The following GNG7 variants were observed in gnomAD, a reference collection of about 807,000 sequenced individuals.
GNG7 encodes the protein guanine nucleotide-binding protein G(I)/G(S)/G(O) subunit gamma-7.
Under a neutral mutation model 4.0 loss-of-function variants are expected in GNG7, and 1 was observed. That is an observed-to-expected ratio of 0.25 (90% CI 0.09 to 1.18). The LOEUF (loss-of-function observed/expected upper bound fraction) is 1.18, where lower values mean the gene tolerates loss of function less well. Ranked by LOEUF, GNG7 falls within the 50% of genes most tolerant of loss-of-function variation. GNG7 has a pLI of 0.50. For missense variants in GNG7, 86 were observed against 91.9 expected (o/e 0.94, Z 0.26); for synonymous variants, 34 against 36.9 (o/e 0.92, Z 0.29).
chr19:2,531,937 G>T (rs1978604745), intron 3 of GNG7, among the ~76,000 whole-genome samples: 1 of 151,834 alleles, frequency 6.6e-6, no homozygotes, highest in Admixed American at 6.6e-5. Flanking sequence ...GGATCATGAG[G>T]TCAGGAGATC....
intron 1 of GNG7, among the ~76,000 whole-genome samples, chr19:2,657,278 G>A (rs1982999025): frequency 7.1e-6 from 1 of 140,076 alleles, no homozygotes; most frequent in Non-Finnish European, 1.5e-5. Flanking sequence ...AAGCTGCAGT[G>A]AGCTGAAATG....
intron 3 of GNG7, among the ~76,000 whole-genome samples, chr19:2,535,486 T>C (rs948884868): frequency 9.9e-5 from 14 of 141,934 alleles, no homozygotes; most frequent in African/African-American, 3.5e-4. Context: ...GGTGACAGAG[T>C]AAGACCTTGT....
chr19:2,622,526 G>A (rs964679168), intron 2 of GNG7, among the ~76,000 whole-genome samples: 1 of 152,190 alleles, frequency 6.6e-6, no homozygotes, highest in Non-Finnish European at 1.5e-5. Context: ...AACCCAATGC[G>A]AGCAACGCGG....
At chr19:2,672,296 C>T (rs1322657400) in intron 1 of GNG7, among the ~76,000 whole-genome samples, 1 of 152,154 alleles carries the variant, frequency 6.6e-6, no homozygotes, top group African/African-American at 2.4e-5. Flanking sequence ...ACTGGGATTG[C>T]AGGCGTGAGC....
rs1334196816 is a variant in GNG7 at position 2,626,232 on chromosome 19, C to G, written c.-78+19992G>C. ...GGGAACGTGAAGCTGATGCTGCTCC[C>G]GCCCCAGGCCTGAAGCCGGCCCCCT... is the stretch of plus-strand genomic sequence containing the variant. On this transcript the variant is annotated intron_variant, in intron 2 of 4. Transcript: ENST00000382159. This position sits in a 1 kb window ranked among gnomAD's most constrained non-coding sequence, Gnocchi z 5.0. Among the ~76,000 whole-genome samples the G allele has an allele frequency of 6.6e-6, 1 of 152,192 alleles. No individual in the cohort carries two copies. Among genetic ancestry groups the G allele is most frequent in the Non-Finnish European group, 1.5e-5 (1 of 68,024 alleles).
At chr19:2,629,319 C>T (rs917056686) in intron 2 of GNG7, among the ~76,000 whole-genome samples, 2 of 152,190 alleles carry the variant, frequency 1.3e-5, no homozygotes, top group Non-Finnish European at 2.9e-5. Flanking sequence ...TCTCCTCCTT[C>T]CAGAAATTCT....
chr19:2,662,462 G>T (rs536639329), intron 1 of GNG7, among the ~76,000 whole-genome samples: 2 of 152,180 alleles, frequency 1.3e-5, no homozygotes, highest in East Asian at 3.9e-4. Context: ...TCAGATACCA[G>T]TAGCAAGTTT....
intron 1 of GNG7, among the ~76,000 whole-genome samples, chr19:2,679,813 A>G (rs917125185): frequency 6.6e-6 from 1 of 152,204 alleles, no homozygotes; most frequent in Non-Finnish European, 1.5e-5. Flanking sequence ...GGCACCAGGT[A>G]GCACCTTCCT....
Position 2,591,464 on chromosome 19 carries a change from T to G in GNG7, c.-77-36276A>C, listed in dbSNP as rs1050596554. On this transcript the variant is annotated intron_variant, in intron 2 of 4. Coordinates refer to ENST00000382159, the MANE Select transcript of GNG7 (RefSeq NM_052847.3). ...TTTGAAAATAAAGGGTTTTTTTTTT[T>G]TTTTTTTTTTTAAGGGAGAGATTAT... Among the ~76,000 whole-genome samples the G allele has an allele frequency of 1.8e-4, 28 of 151,410 alleles. 1 individual carries two copies. Among genetic ancestry groups the G allele is most frequent in the Admixed American group, 1.1e-3 (16 of 15,176 alleles).
intron 1 of GNG7, among the ~76,000 whole-genome samples, chr19:2,657,361 A>AAATATATAT (rs1555701153): frequency 1.8e-4 from 3 of 16,328 alleles, no homozygotes; most frequent in Non-Finnish European, 3.0e-4. Flanking sequence ...AAAAAAAAAA[A>AAATATATAT]ATATATATAT....
chr19:2,537,792 G>T (rs1465474572), intron 3 of GNG7, among the ~76,000 whole-genome samples: 1 of 152,086 alleles, frequency 6.6e-6, no homozygotes, highest in African/African-American at 2.4e-5. Context: ...GGTCTTGAGG[G>T]AAGCGACACA....
chr19:2,629,104 C>T (rs1039453612), intron 2 of GNG7, among the ~76,000 whole-genome samples: 5 of 152,136 alleles, frequency 3.3e-5, no homozygotes, highest in East Asian at 1.9e-4. Context: ...CCAAGGAGCA[C>T]GTACTATGCA....
At chr19:2,530,815 G>C (rs905343374) in intron 3 of GNG7, among the ~76,000 whole-genome samples, 1 of 152,188 alleles carries the variant, frequency 6.6e-6, no homozygotes, top group Non-Finnish European at 1.5e-5. Context: ...AGGATTTAGG[G>C]GAGGATCGAA....
At chr19:2,612,946 C>G (rs893426446) in intron 2 of GNG7, among the ~76,000 whole-genome samples, 1 of 152,036 alleles carries the variant, frequency 6.6e-6, no homozygotes, top group African/African-American at 2.4e-5. Context: ...TCCGCCTCGG[C>G]CTCCCAAAGT....
intron 2 of GNG7, among the ~76,000 whole-genome samples, chr19:2,590,346 T>C (rs943234068): frequency 1.3e-5 from 2 of 152,226 alleles, no homozygotes; most frequent in African/African-American, 2.4e-5. Context: ...CCATATCTTA[T>C]AGATAAAACT....
At chr19:2,587,108 T>C (rs1599407078) in intron 2 of GNG7, among the ~76,000 whole-genome samples, 1 of 151,588 alleles carries the variant, frequency 6.6e-6, no homozygotes, top group African/African-American at 2.4e-5. Flanking sequence ...CGTCACCCGA[T>C]GTCCCCCAGG....
chr19:2,652,972 T>A (rs1208442419), intron 1 of GNG7, among the ~76,000 whole-genome samples: 1 of 151,400 alleles, frequency 6.6e-6, no homozygotes, highest in African/African-American at 2.4e-5. Context: ...ACAAAAAATT[T>A]AAAAATTTGC....
intron 2 of GNG7, among the ~76,000 whole-genome samples, chr19:2,591,043 T>A (rs563464715): frequency 1.2e-4 from 18 of 152,364 alleles, no homozygotes; most frequent in South Asian, 4.1e-4. Context: ...TTACTCATTT[T>A]AAAATGTTAA....
At chr19:2,635,813 C>T (rs767541445) in intron 2 of GNG7, among the ~76,000 whole-genome samples, 2 of 152,090 alleles carry the variant, frequency 1.3e-5, no homozygotes, top group South Asian at 4.1e-4. Flanking sequence ...GAACTCCTGA[C>T]CTCAAGTGAT....
Sources: gnomAD v4.1 joint callset for allele counts (sites outside exome capture counted in the v4.1 genomes callset) on GRCh38, gnomAD v4.1.1 for gene constraint, Gnocchi (gnomAD v3.1) non-coding constraint, MANE v1.5 for transcripts, NCBI Gene and HGNC (gene_info 2026-07-23, HGNC 2026-07-21) for gene names.